Variants in BMPR1B observed in about 807,000 individuals in gnomAD.
The protein encoded by BMPR1B is bone morphogenetic protein receptor type 1B, also known as bone morphogenetic protein receptor type-1B.
In BMPR1B, 12 loss-of-function variants were observed where a neutral mutation model predicts 59.1. That is an observed-to-expected ratio of 0.20 (90% CI 0.13 to 0.33). The LOEUF (loss-of-function observed/expected upper bound fraction) is 0.33. Ranked by LOEUF, BMPR1B falls within the 10% of genes least tolerant of loss-of-function variation. The probability of loss-of-function intolerance (pLI) is 1.00; values close to 1 mark genes in which losing one functional copy is unlikely to be tolerated. For missense variants in BMPR1B, 550 were observed against 610.9 expected, an observed-to-expected ratio of 0.90 and a Z score of 1.05; for synonymous variants, 237 against 207.3, an observed-to-expected ratio of 1.14 and a Z score of -1.23.
In BMPR1B at chr4:94,997,244, A is replaced by G. The variant is rs1174020763; in HGVS notation, c.-18+1110A>G. Among the ~76,000 whole-genome samples the G allele has an allele frequency of 3.9e-5, 6 of 152,324 alleles. No individual in the cohort carries two copies. In the East Asian group the frequency reaches 9.6e-4, roughly 24 times the overall value. ...AGGTCCAAAGGGTTTTCTGTACTAC[A>G]TATTTAAGTTAAAAACAAAAATGAG... On this transcript the variant is annotated intron_variant, in intron 3 of 12. Coordinates refer to ENST00000515059, the MANE Select transcript of BMPR1B (RefSeq NM_001203.3).
intron 3 of BMPR1B, among the ~76,000 whole-genome samples, chr4:95,032,378 A>T (rs1337269205): frequency 6.6e-6 from 1 of 152,144 alleles, no homozygotes; most frequent in East Asian, 1.9e-4. Context: ...CCTTACTCTC[A>T]TGATGACATC....
intron 2 of BMPR1B, among the ~76,000 whole-genome samples, chr4:94,971,681 CT>C (rs941217221): frequency 6.6e-6 from 1 of 151,506 alleles, no homozygotes; most frequent in Non-Finnish European, 1.5e-5. Context: ...AAAATATGAG[CT>C]TTTTAAGCAT....
intron 2 of BMPR1B, among the ~76,000 whole-genome samples, chr4:94,897,511 A>C (rs1727631909): frequency 6.6e-6 from 1 of 151,994 alleles, no homozygotes; most frequent in Non-Finnish European, 1.5e-5. Flanking sequence ...AACTTAGTAA[A>C]CTGTTAAAAG....
At chr4:95,093,537 T>C (rs1730151303) in intron 3 of BMPR1B, among the ~76,000 whole-genome samples, 1 of 152,256 alleles carries the variant, frequency 6.6e-6, no homozygotes, top group Middle Eastern at 3.4e-3. Context: ...ACTCTTCTTA[T>C]GATTTTTTTA....
Position 95,158,197 on chromosome 4 carries a change from C to G in BMPR1B, c.*3524C>G, listed in dbSNP as rs947000909. 1 of 152,080 alleles carries G rather than the reference C, an allele frequency of 6.6e-6. No individual in the cohort carries two copies. The highest frequency in any genetic ancestry group is 6.5e-5 in the Admixed American group (1 of 15,278). The allele number at this position is 152,080 out of a possible 1,614,324, so 9.4% of individuals were successfully genotyped here. ...ACTTAATTTAGCAATTGTGATTCCT[C>G]TTGTAAAACAAAACAAAAAAACAAT... On this transcript the variant is annotated 3_prime_UTR_variant, in exon 13 of 13. Coordinates refer to ENST00000515059, the MANE Select transcript of BMPR1B (RefSeq NM_001203.3).
chr4:95,105,752 A>C (rs1003033923), intron 4 of BMPR1B, among the ~76,000 whole-genome samples: 9 of 152,002 alleles, frequency 5.9e-5, no homozygotes, highest in African/African-American at 2.2e-4. Context: ...TGACCACTGA[A>C]TTTTTTTGCC....
At chr4:94,935,954 A>T (rs1260770857) in intron 2 of BMPR1B, among the ~76,000 whole-genome samples, 5 of 149,630 alleles carry the variant, frequency 3.3e-5, no homozygotes, top group Admixed American at 6.7e-5. Context: ...TTGTTAGACT[A>T]TAATGTAAGC....
intron 3 of BMPR1B, among the ~76,000 whole-genome samples, chr4:94,998,283 T>C (rs1722196074): frequency 6.6e-6 from 1 of 152,110 alleles, no homozygotes. Flanking sequence ...TGTGAATGAA[T>C]TTAGCTTGAA....
intron 3 of BMPR1B, among the ~76,000 whole-genome samples, chr4:95,043,675 G>A (rs1725836256): frequency 6.6e-6 from 1 of 152,208 alleles, no homozygotes; most frequent in South Asian, 2.1e-4. Context: ...GGATTTGATT[G>A]TGCTGATGCT....
chr4:95,154,867 C>T lies in BMPR1B; in HGVS notation c.*194C>T. 1.4e-6 allele frequency: 1 copy of T among 723,060 alleles called. No individual in the cohort carries two copies. The highest frequency in any genetic ancestry group is 1.8e-5 in the South Asian group (1 of 54,646). 44.8% of individuals were successfully genotyped at this position (723,060 alleles called of 1,614,324 possible). A position where few individuals can be genotyped will look rare whatever the true frequency, so the allele number is the denominator to read the frequency against. ...GAAGCTCCCAGAAGGAGAGATTGAT[C>T]CATGTCTGTTTGTAGGACGGAGAAA... On this transcript the variant is annotated 3_prime_UTR_variant, in exon 13 of 13. Coordinates refer to ENST00000515059, the MANE Select transcript of BMPR1B (RefSeq NM_001203.3).
At chr4:94,777,005 T>G (rs1007559038) in intron 1 of BMPR1B, among the ~76,000 whole-genome samples, 5 of 152,232 alleles carry the variant, frequency 3.3e-5, no homozygotes, top group Non-Finnish European at 5.9e-5. Flanking sequence ...TTTCCTTATA[T>G]CATTACATAT....
At chr4:94,865,236 C>T (rs980814087) in intron 1 of BMPR1B, among the ~76,000 whole-genome samples, 7 of 150,534 alleles carry the variant, frequency 4.7e-5, no homozygotes, top group African/African-American at 1.5e-4. Flanking sequence ...CTCGAACTGC[C>T]AACCTTGCGG....
chr4:94,883,900 G>A (rs1388612166), intron 2 of BMPR1B, among the ~76,000 whole-genome samples: 2 of 152,058 alleles, frequency 1.3e-5, no homozygotes, highest in Non-Finnish European at 1.5e-5. Flanking sequence ...TAGTAATTGT[G>A]TTGAATACCC....
intron 2 of BMPR1B, among the ~76,000 whole-genome samples, chr4:94,906,782 G>A (rs914397248): frequency 6.6e-6 from 1 of 151,996 alleles, no homozygotes. Flanking sequence ...CTAATGCAAA[G>A]AGTAATTAGC....
intron 3 of BMPR1B, among the ~76,000 whole-genome samples, chr4:95,052,672 A>C (rs925990732): frequency 2.6e-5 from 4 of 152,194 alleles, no homozygotes; most frequent in Non-Finnish European, 4.4e-5. Flanking sequence ...GATTTTCATA[A>C]TCTCAAAGTA....
At chr4:94,938,290 T>G (rs1729392294) in intron 2 of BMPR1B, among the ~76,000 whole-genome samples, 1 of 151,558 alleles carries the variant, frequency 6.6e-6, no homozygotes. Context: ...AGGTGAGGAG[T>G]TTGAGACCAG....
At chr4:95,029,564 G>A (rs1206451804) in intron 3 of BMPR1B, among the ~76,000 whole-genome samples, 2 of 152,028 alleles carry the variant, frequency 1.3e-5, no homozygotes, top group South Asian at 2.1e-4. Context: ...GAATAGTGCC[G>A]CAATAAACAT....
intron 1 of BMPR1B, among the ~76,000 whole-genome samples, chr4:94,854,922 A>G (rs1254484570): frequency 1.3e-5 from 2 of 152,288 alleles, no homozygotes; most frequent in East Asian, 3.9e-4. Flanking sequence ...CCTTCTTTGT[A>G]GTCTATTCAA....
At chr4:94,933,015 T>TC (rs1485940610) in intron 2 of BMPR1B, among the ~76,000 whole-genome samples, 2 of 152,152 alleles carry the variant, frequency 1.3e-5, no homozygotes, top group African/African-American at 2.4e-5. Flanking sequence ...CGTGTTTTGT[T>TC]CCACTACCCA....
Sources: allele counts gnomAD v4.1 joint callset (sites outside exome capture counted in the v4.1 genomes callset), GRCh38; gene constraint gnomAD v4.1.1; transcripts MANE v1.5; gene names NCBI Gene and HGNC (gene_info 2026-07-23, HGNC 2026-07-21).